LRRTM4: variants seen among roughly 807,000 people sequenced by gnomAD.
The protein encoded by LRRTM4 is leucine rich repeat transmembrane neuronal 4.
A neutral mutation model predicts 47.6 loss-of-function variants in LRRTM4; 25 were observed. That is an observed-to-expected ratio of 0.53 (90% CI 0.38 to 0.73). The LOEUF (loss-of-function observed/expected upper bound fraction) is 0.73, where lower values mean the gene tolerates loss of function less well. LRRTM4 is among the 30% of genes least tolerant of loss of function. LRRTM4 has a pLI of 0.00. For missense variants in LRRTM4, 638 were observed against 713.4 expected (o/e 0.89, Z 1.20); for synonymous variants, 311 against 269.5 (o/e 1.15, Z -1.51).
chr2:77,169,432 G>C (rs2103829808), intron 3 of LRRTM4, among the ~76,000 whole-genome samples: 1 of 152,086 alleles, frequency 6.6e-6, no homozygotes, highest in South Asian at 2.1e-4. Flanking sequence ...TGTACTTCCT[G>C]CTATGGTTTG....
At chr2:76,905,836 T>C (rs62170294) in intron 3 of LRRTM4, among the ~76,000 whole-genome samples, 610 of 152,220 alleles carry the variant, frequency 4.0e-3, no homozygotes, top group Non-Finnish European at 7.0e-3. Context: ...CCAAGAAATA[T>C]GGGACTTTGT....
intron 3 of LRRTM4, among the ~76,000 whole-genome samples, chr2:76,950,762 A>T (rs1427830805): frequency 6.6e-6 from 1 of 152,008 alleles, no homozygotes; most frequent in Non-Finnish European, 1.5e-5. Context: ...CAAAAATAAA[A>T]CAGATACTCA....
chr2:77,350,222 A>G (rs1671710409), intron 3 of LRRTM4, among the ~76,000 whole-genome samples: 1 of 148,136 alleles, frequency 6.8e-6, no homozygotes, highest in South Asian at 2.2e-4. Context: ...GCTACTCGGG[A>G]GGCTGAGGCA....
chr2:76,757,752 G>A (rs145875109), intron 3 of LRRTM4, among the ~76,000 whole-genome samples: 178 of 152,204 alleles, frequency 1.2e-3, no homozygotes, highest in African/African-American at 4.1e-3. Context: ...AATAATTGTA[G>A]AAGTTTTAAT....
At chr2:77,498,295 T>C (rs565005440) in intron 3 of LRRTM4, among the ~76,000 whole-genome samples, 191 of 151,862 alleles carry the variant, frequency 1.3e-3, no homozygotes, top group African/African-American at 4.3e-3. Context: ...TAGTAGAGCA[T>C]GTCATCTAAA....
At chr2:77,281,593 A>AT (rs1243534418) in intron 3 of LRRTM4, among the ~76,000 whole-genome samples, 2 of 151,908 alleles carry the variant, frequency 1.3e-5, no homozygotes, top group Non-Finnish European at 2.9e-5. Flanking sequence ...AACCAATCAC[A>AT]TTTGTGCTTT....
intron 3 of LRRTM4, among the ~76,000 whole-genome samples, chr2:77,108,644 C>A (rs1452187479): frequency 2.0e-5 from 3 of 146,372 alleles, no homozygotes; most frequent in South Asian, 4.2e-4. Context: ...AGTGCAGTGG[C>A]GGGATCTGGG....
At chr2:76,921,770 T>A (rs967407434) in intron 3 of LRRTM4, among the ~76,000 whole-genome samples, 2 of 152,120 alleles carry the variant, frequency 1.3e-5, no homozygotes, top group African/African-American at 4.8e-5. Context: ...GTTCTTACTT[T>A]CTGGAACTAT....
chr2:76,829,234 T>C (rs1238999092), intron 3 of LRRTM4, among the ~76,000 whole-genome samples: 3 of 151,862 alleles, frequency 2.0e-5, no homozygotes, highest in Non-Finnish European at 4.4e-5. Flanking sequence ...AATGAGATAA[T>C]TATAGGCAGA....
intron 3 of LRRTM4, among the ~76,000 whole-genome samples, chr2:77,390,519 T>C (rs1057485956): frequency 1.3e-5 from 2 of 152,026 alleles, no homozygotes; most frequent in Non-Finnish European, 2.9e-5. Context: ...CTGGTAAATA[T>C]GTATATATGA....
chr2:77,211,700 G>A (rs1282811696), intron 3 of LRRTM4, among the ~76,000 whole-genome samples: 1 of 151,966 alleles, frequency 6.6e-6, no homozygotes, highest in Non-Finnish European at 1.5e-5. Flanking sequence ...TCAATTTAAT[G>A]CCAGTGAAGC....
At position 76,775,432 on chromosome 2, in the gene LRRTM4, C is replaced by T. The variant is rs191568280; in HGVS notation, c.1552-26516G>A. Reference sequence around the variant, plus strand: ...TGCCTTTGGTGCTGAACTCATGAGGCTCTGGGCAGCCAGGGGCATTGTTCA... The same window carrying T: ...TGCCTTTGGTGCTGAACTCATGAGGTTCTGGGCAGCCAGGGGCATTGTTCA... On this transcript the variant is annotated intron_variant, in intron 3 of 3. Coordinates refer to ENST00000409884, the MANE Select transcript of LRRTM4 (RefSeq NM_001134745.3). Among the ~76,000 whole-genome samples, 305 of 152,234 alleles carry T rather than the reference C, an allele frequency of 2.0e-3. 5 individuals are homozygous for T. In the South Asian group the frequency reaches 0.038, roughly 19 times the overall value.
intron 3 of LRRTM4, among the ~76,000 whole-genome samples, chr2:76,965,802 TAA>T (rs1357554919): frequency 6.6e-6 from 1 of 151,428 alleles, no homozygotes; most frequent in African/African-American, 2.4e-5. Context: ...CACAATTACA[TAA>T]GTTATATGTG....
intron 3 of LRRTM4, among the ~76,000 whole-genome samples, chr2:77,296,775 C>T (rs1676985674): frequency 6.6e-6 from 1 of 152,200 alleles, no homozygotes; most frequent in South Asian, 2.1e-4. Context: ...TCCTTCTTAC[C>T]TGTGTCATGG....
At chr2:77,117,416 T>C (rs963631587) in intron 3 of LRRTM4, among the ~76,000 whole-genome samples, 2 of 151,934 alleles carry the variant, frequency 1.3e-5, no homozygotes, top group Non-Finnish European at 1.5e-5. Flanking sequence ...TTTTTACTTA[T>C]AAAAATTGAA....
intron 3 of LRRTM4, among the ~76,000 whole-genome samples, chr2:77,316,178 C>A (rs957245587): frequency 3.9e-5 from 6 of 152,124 alleles, no homozygotes; most frequent in Non-Finnish European, 8.8e-5. Flanking sequence ...ACATGGTAAA[C>A]TTTAATTTCC....
intron 3 of LRRTM4, among the ~76,000 whole-genome samples, chr2:77,135,703 CT>C (rs1243917371): frequency 2.0e-5 from 3 of 152,064 alleles, no homozygotes; most frequent in Non-Finnish European, 4.4e-5. Flanking sequence ...ATAAGGAAGT[CT>C]ACTGTTGTGA....
intron 3 of LRRTM4, among the ~76,000 whole-genome samples, chr2:76,888,690 G>C (rs546570866): frequency 3.1e-4 from 47 of 151,414 alleles, no homozygotes; most frequent in Admixed American, 7.9e-4. Flanking sequence ...ATTTTAGTTT[G>C]GACCACTGCT....
At chr2:77,224,415 G>A (rs567653917) in intron 3 of LRRTM4, among the ~76,000 whole-genome samples, 396 of 152,216 alleles carry the variant, frequency 2.6e-3, no homozygotes, top group Middle Eastern at 6.8e-3. Flanking sequence ...CCATCAGAGC[G>A]AACAGGCAAC....
Sources: allele counts gnomAD v4.1 joint callset (sites outside exome capture counted in the v4.1 genomes callset), GRCh38; gene constraint gnomAD v4.1.1; transcripts MANE v1.5; gene names NCBI Gene and HGNC (gene_info 2026-07-23, HGNC 2026-07-21).